Variants in SNTG1 observed in about 807,000 individuals in gnomAD.
SNTG1 encodes gamma-1-syntrophin.
Under a neutral mutation model 74.7 loss-of-function variants are expected in SNTG1, and 39 were observed. The ratio of observed to expected loss-of-function variants is 0.52; its 90% CI spans 0.40 to 0.68. The LOEUF is 0.68. Ranked by LOEUF, SNTG1 falls within the 30% of genes least tolerant of loss-of-function variation. The pLI is 0.00. For missense variants in SNTG1, 685 were observed against 609.5 expected (o/e 1.12, Z -1.30); for synonymous variants, 254 against 217.1 (o/e 1.17, Z -1.49).
At position 50,257,020 on chromosome 8, in the gene SNTG1, C is replaced by T. The variant is rs556249598; in HGVS notation, c.-28+84385C>T. On this transcript the variant is annotated intron_variant, in intron 2 of 18. Coordinates refer to ENST00000642720, the MANE Select transcript of SNTG1 (RefSeq NM_018967.5). ...GCATGGCTTTGTAGCCCCCCTGCTC[C>T]CCTCTTAGGAGTTCAGTTTAAACCC... 3.3e-4 allele frequency among the ~76,000 whole-genome samples: 50 copies of T among 152,110 alleles called. No homozygotes were observed. The Middle Eastern group carries it at 0.01, about 31-fold the overall frequency.
chr8:50,726,116 G>C (rs534480013), intron 17 of SNTG1, among the ~76,000 whole-genome samples: 31 of 152,248 alleles, frequency 2.0e-4, no homozygotes, highest in Non-Finnish European at 4.0e-4. Flanking sequence ...TCCATTTGGA[G>C]AGCTAACTTC....
chr8:50,357,212 T>C (rs1335551653), intron 2 of SNTG1, among the ~76,000 whole-genome samples: 2 of 151,974 alleles, frequency 1.3e-5, no homozygotes, highest in Non-Finnish European at 2.9e-5. Flanking sequence ...GCAAATGAGG[T>C]TGTGCTTCTC....
intron 1 of SNTG1, among the ~76,000 whole-genome samples, chr8:50,123,705 G>A (rs2081063083): frequency 7.0e-6 from 1 of 141,900 alleles, no homozygotes; most frequent in Admixed American, 7.2e-5. Flanking sequence ...TTCCTACTGG[G>A]AAAGGGTGAC....
At chr8:50,432,813 ACT>A (rs1253481853) in intron 4 of SNTG1, among the ~76,000 whole-genome samples, 2 of 149,724 alleles carry the variant, frequency 1.3e-5, no homozygotes, top group Non-Finnish European at 3.0e-5. Flanking sequence ...TTTTTTTGAG[ACT>A]CTGTCTCACT....
chr8:50,690,862 G>A (rs563921896), intron 15 of SNTG1, among the ~76,000 whole-genome samples: 369 of 152,112 alleles, frequency 2.4e-3, no homozygotes, highest in Non-Finnish European at 4.6e-3. Flanking sequence ...AAAGTCTCCC[G>A]TTATTATTGT....
At chr8:50,623,390 G>T (rs755902620) in intron 13 of SNTG1, among the ~76,000 whole-genome samples, 4 of 152,084 alleles carry the variant, frequency 2.6e-5, no homozygotes, top group Admixed American at 6.5e-5. Flanking sequence ...TCATAAAAGG[G>T]TGTTGAATTT....
At chr8:50,777,525 C>A (rs1436607625) in intron 18 of SNTG1, among the ~76,000 whole-genome samples, 1 of 151,262 alleles carries the variant, frequency 6.6e-6, no homozygotes, top group Non-Finnish European at 1.5e-5. Flanking sequence ...TCTACACTTT[C>A]ATTTGTTCTA....
chr8:50,653,208 C>T (rs1438216030), intron 13 of SNTG1, among the ~76,000 whole-genome samples: 1 of 151,890 alleles, frequency 6.6e-6, no homozygotes, highest in Admixed American at 6.6e-5. Context: ...CTTTAAAAGT[C>T]CTAGACGATC....
rs1359368451 is a variant in SNTG1, at chr8:50,783,034, A to C, written c.1396-9637A>C. Among the ~76,000 whole-genome samples the C allele has an allele frequency of 2.6e-5, 4 of 152,070 alleles. No homozygotes were observed. The East Asian group carries it at 7.7e-4, about 29-fold the overall frequency. ...AGAAGAGCCGATTTTCATGAACCGC[A>C]AATGCTGCTGTCTGATCGTTCCTCT... is the stretch of plus-strand genomic sequence containing the variant. On this transcript the variant is annotated intron_variant, in intron 18 of 18. Coordinates refer to ENST00000642720, the MANE Select transcript of SNTG1 (RefSeq NM_018967.5).
At chr8:50,092,360 C>T (rs1264354261) in intron 1 of SNTG1, among the ~76,000 whole-genome samples, 1 of 152,152 alleles carries the variant, frequency 6.6e-6, no homozygotes, top group East Asian at 1.9e-4. Flanking sequence ...AAATGCTCTT[C>T]CAGTCTCTTC....
At chr8:50,068,531 C>T (rs938864354) in intron 1 of SNTG1, among the ~76,000 whole-genome samples, 10 of 152,302 alleles carry the variant, frequency 6.6e-5, no homozygotes, top group Admixed American at 6.5e-4. Context: ...CACACCCCCA[C>T]CCCTGCCAGC....
intron 15 of SNTG1, among the ~76,000 whole-genome samples, chr8:50,691,689 CTTCAT>C (rs1453972145): frequency 1.3e-5 from 2 of 152,114 alleles, no homozygotes; most frequent in Non-Finnish European, 2.9e-5. Flanking sequence ...ACATTTTTTC[CTTCAT>C]TTCAACTTTG....
chr8:50,092,466 CAGGAAT>C (rs2131169280), intron 1 of SNTG1, among the ~76,000 whole-genome samples: 1 of 152,232 alleles, frequency 6.6e-6, no homozygotes, highest in South Asian at 2.1e-4. Context: ...GACTGACCGG[CAGGAAT>C]GATAACAGGC....
In SNTG1 at chr8:50,362,781, T is replaced by C. The variant is rs79049929; in HGVS notation, c.-27-31431T>C. ...ATGCTTTGTTATATATGGTGAGTTT[T>C]ATGGGAAGTATACTTTACTCTGGGT... On this transcript the variant is annotated intron_variant, in intron 2 of 18. Coordinates refer to ENST00000642720, the MANE Select transcript of SNTG1 (RefSeq NM_018967.5). 4.1e-3 allele frequency among the ~76,000 whole-genome samples: 619 copies of C among 152,264 alleles called. 11 individuals are homozygous for C. The South Asian group carries it at 0.049, about 12-fold the overall frequency.
intron 2 of SNTG1, among the ~76,000 whole-genome samples, chr8:50,252,972 A>G (rs959122771): frequency 1.3e-4 from 20 of 152,216 alleles, no homozygotes; most frequent in Non-Finnish European, 2.8e-4. Flanking sequence ...GAAAACCACA[A>G]TAAGATACAC....
chr8:50,116,396 A>G (rs2080821724), intron 1 of SNTG1, among the ~76,000 whole-genome samples: 1 of 151,802 alleles, frequency 6.6e-6, no homozygotes, highest in South Asian at 2.1e-4. Flanking sequence ...CTTTTCCCCA[A>G]CTCCACTCTT....
chr8:50,559,606 C>G (rs1262105216), intron 12 of SNTG1, among the ~76,000 whole-genome samples: 1 of 151,866 alleles, frequency 6.6e-6, no homozygotes, highest in Non-Finnish European at 1.5e-5. Context: ...TACCTTGCAC[C>G]TGAAAAAATA....
At chr8:50,742,462 G>A (rs900997759) in intron 17 of SNTG1, among the ~76,000 whole-genome samples, 5 of 151,706 alleles carry the variant, frequency 3.3e-5, no homozygotes, top group Admixed American at 6.6e-5. Flanking sequence ...GAAAATGAAA[G>A]TGAAACACAA....
intron 2 of SNTG1, among the ~76,000 whole-genome samples, chr8:50,296,302 A>G (rs2089369227): frequency 6.6e-6 from 1 of 152,206 alleles, no homozygotes; most frequent in African/African-American, 2.4e-5. Context: ...TACTATAAAG[A>G]CACATGCACA....
Sources: gnomAD v4.1 joint callset for allele counts (sites outside exome capture counted in the v4.1 genomes callset) on GRCh38, gnomAD v4.1.1 for gene constraint, MANE v1.5 for transcripts, NCBI Gene and HGNC (gene_info 2026-07-23, HGNC 2026-07-21) for gene names.